The following ZNF469 variants were observed in gnomAD, a reference collection of about 807,000 sequenced individuals.
The protein encoded by ZNF469 is zinc finger protein 469.
In ZNF469, 1 loss-of-function variant was observed where a neutral mutation model predicts 1.0. The ratio of observed to expected loss-of-function variants is 1.00; its 90% CI spans 0.35 to 4.73. ZNF469 has a LOEUF of 4.73. Ranked by LOEUF, ZNF469 falls within the 30% of genes most tolerant of loss-of-function variation. The probability of loss-of-function intolerance (pLI) is 0.16; values close to 1 mark genes in which losing one functional copy is unlikely to be tolerated. For missense variants in ZNF469, 6,100 were observed against 5,356.3 expected (o/e 1.14, Z -4.33); for synonymous variants, 2,703 against 2,363.4 (o/e 1.14, Z -4.17).
At chr16:88,168,506 C>T in the ZNF469 span, among the ~76,000 whole-genome samples, 12 of 151,860 alleles carry the variant, frequency 7.9e-5, no homozygotes, top group South Asian at 2.3e-3. The surrounding 1 kb of genome is among the most constrained non-coding windows in gnomAD (Gnocchi z 4.3). Context: ...TGGGGTTGCT[C>T]GTGTGTGATT....
At chr16:88,380,758 AC>A (rs61721529), upstream of ZNF469, among the ~76,000 whole-genome samples, 70 of 148,986 alleles carry the variant, frequency 4.7e-4, no homozygotes, top group African/African-American at 1.6e-3. Context: ...ACATGCACTC[AC>A]AGACGTCCTC....
chr16:88,116,281 C>A, the ZNF469 span, among the ~76,000 whole-genome samples: 8 of 152,268 alleles, frequency 5.3e-5, no homozygotes, highest in East Asian at 1.9e-4. Flanking sequence ...GATTGCCACA[C>A]CCCCATGAGG....
At chr16:88,347,093 G>A in the ZNF469 span, among the ~76,000 whole-genome samples, 1 of 152,108 alleles carries the variant, frequency 6.6e-6, no homozygotes, top group Non-Finnish European at 1.5e-5. Context: ...CTGAGCTTGG[G>A]CGGTCTCAGC....
chr16:88,229,166 G>C, the ZNF469 span, among the ~76,000 whole-genome samples: 18 of 152,298 alleles, frequency 1.2e-4, no homozygotes, highest in South Asian at 1.5e-3. Context: ...CCAAGATAAA[G>C]AGATAAAATC....
chr16:88,138,858 C>T, the ZNF469 span, among the ~76,000 whole-genome samples: 1 of 152,186 alleles, frequency 6.6e-6, no homozygotes, highest in Non-Finnish European at 1.5e-5. Flanking sequence ...CTGAGGTCAT[C>T]GCCAAAGGAA....
chr16:88,257,939 G>A, the ZNF469 span, among the ~76,000 whole-genome samples: 1 of 152,200 alleles, frequency 6.6e-6, no homozygotes, highest in Non-Finnish European at 1.5e-5. Context: ...AGAATAGAAT[G>A]TGCGTCCAGA....
the ZNF469 span, among the ~76,000 whole-genome samples, chr16:88,346,719 G>A: frequency 6.6e-6 from 1 of 152,184 alleles, no homozygotes; most frequent in African/African-American, 2.4e-5. Context: ...GTCTCGCTAT[G>A]TTGCCCAGGC....
the ZNF469 span, among the ~76,000 whole-genome samples, chr16:88,201,497 G>A: frequency 6.6e-6 from 1 of 152,158 alleles, no homozygotes; most frequent in African/African-American, 2.4e-5. This position sits in a 1 kb window ranked among gnomAD's most constrained non-coding sequence, Gnocchi z 5.0. Flanking sequence ...GGAGGTTGCA[G>A]TGAGCCGAGA....
the ZNF469 span, among the ~76,000 whole-genome samples, chr16:88,150,176 G>A: frequency 1.3e-5 from 2 of 152,030 alleles, no homozygotes; most frequent in Admixed American, 6.5e-5. Context: ...TGGGTGTAGT[G>A]GTAAATGTCT....
the ZNF469 span, among the ~76,000 whole-genome samples, chr16:88,208,757 C>T: frequency 1.0e-4 from 15 of 144,756 alleles, no homozygotes; most frequent in African/African-American, 3.6e-4. Context: ...ATAATCTGTC[C>T]ATAGTAAATG....
the ZNF469 span, among the ~76,000 whole-genome samples, chr16:88,207,777 T>G: frequency 4.1e-5 from 6 of 145,048 alleles, 1 homozygote; most frequent in Non-Finnish European, 9.3e-5. Flanking sequence ...CTCTCCTATC[T>G]GAAATCTCCC....
the ZNF469 span, among the ~76,000 whole-genome samples, chr16:88,282,490 G>T: frequency 6.6e-6 from 1 of 152,096 alleles, no homozygotes; most frequent in Non-Finnish European, 1.5e-5. Flanking sequence ...TTTGACCCCC[G>T]CTGTGGAGGT....
Position 88,434,836 on chromosome 16 carries a change from G to A in ZNF469, c.7366G>A (p.Ala2456Thr). 1.3e-6 allele frequency: 2 copies of A among 1,550,356 alleles called. No homozygotes were observed. Among genetic ancestry groups the A allele is most frequent in the Non-Finnish European group, 8.7e-7 (1 of 1,146,986 alleles). The change falls in exon 3 of 3, where the codon GCA (alanine) becomes ACA (threonine). Residue 2456 changes from alanine (A) to threonine (T), a missense_variant. Ala to Thr is a moderately conservative substitution (Grantham distance 58). Transcript: ENST00000565624. The part of the protein sequence containing the change: ...QRSRGYKKKP[A>T]STENGQWKGQ... The stretch of plus-strand genomic sequence containing the variant: ...GTCCCGTGGCTATAAAAAGAAGCCT[G>A]CATCTACAGAGAACGGCCAGTGGAA...
At chr16:88,229,551 C>T in the ZNF469 span, among the ~76,000 whole-genome samples, 1 of 151,822 alleles carries the variant, frequency 6.6e-6, no homozygotes, top group Non-Finnish European at 1.5e-5. Context: ...GTGTGGATGT[C>T]ACACGTGTGG....
At chr16:88,269,092 C>A in the ZNF469 span, among the ~76,000 whole-genome samples, 7 of 152,202 alleles carry the variant, frequency 4.6e-5, no homozygotes, top group Non-Finnish European at 1.0e-4. Context: ...CTCAGCCCTC[C>A]CCTTTCTCAC....
At chr16:88,101,701 A>G in the ZNF469 span, among the ~76,000 whole-genome samples, 3 of 152,162 alleles carry the variant, frequency 2.0e-5, no homozygotes, top group South Asian at 6.2e-4. Context: ...TATTTATAAG[A>G]ACTAGGCTCT....
chr16:88,255,532 CCT>C, the ZNF469 span, among the ~76,000 whole-genome samples: 1 of 152,226 alleles, frequency 6.6e-6, no homozygotes, highest in South Asian at 2.1e-4. Context: ...ACAGGCATTG[CCT>C]CTCTCATTAT....
In ZNF469 at chr16:88,433,409, A is replaced by T; in HGVS notation, c.5939A>T (p.Asp1980Val). ...VAGHQLGLEA[D>V]GHWGLLGQAE... ...GGACATCAGCTGGGGCTGGAGGCAG[A>T]TGGACATTGGGGCTTGCTTGGCCAA... The change falls in exon 3 of 3, where the codon GAT (aspartate) becomes GTT (valine). Residue 1980 changes from aspartate (D) to valine (V), a missense_variant. Physicochemically the swap from Asp to Val is radical, Grantham distance 152. Coordinates refer to ENST00000565624, the MANE Select transcript of ZNF469 (RefSeq NM_001367624.2). 6.5e-7 allele frequency: 1 copy of T among 1,550,334 alleles called. No homozygotes were observed. Among genetic ancestry groups the T allele is most frequent in the Non-Finnish European group, 8.7e-7 (1 of 1,146,944 alleles).
chr16:88,372,469 A>G, the ZNF469 span, among the ~76,000 whole-genome samples: 1 of 151,472 alleles, frequency 6.6e-6, no homozygotes, highest in African/African-American at 2.4e-5. Flanking sequence ...CACTACCATT[A>G]CCATCACCAT....
Sources: gnomAD v4.1 joint callset for allele counts (sites outside exome capture counted in the v4.1 genomes callset) on GRCh38, gnomAD v4.1.1 for gene constraint, Gnocchi (gnomAD v3.1) non-coding constraint, MANE v1.5 for transcripts, NCBI Gene and HGNC (gene_info 2026-07-23, HGNC 2026-07-21) for gene names.